MAST4: variants seen among roughly 807,000 people sequenced by gnomAD.
The protein encoded by MAST4 is microtubule associated serine/threonine kinase family member 4, also known as microtubule-associated serine/threonine-protein kinase 4.
A neutral mutation model predicts 162.7 loss-of-function variants in MAST4; 89 were observed. That is an observed-to-expected ratio of 0.55 (90% CI 0.46 to 0.65). MAST4 has a LOEUF of 0.65. Ranked by LOEUF, MAST4 falls within the 30% of genes least tolerant of loss-of-function variation. The pLI, the probability that MAST4 is intolerant of heterozygous loss-of-function variation, is 0.00. For missense variants in MAST4, 3,153 were observed against 3,374.0 expected (o/e 0.93, Z 1.62); for synonymous variants, 1,479 against 1,361.1 (o/e 1.09, Z -1.91).
intron 1 of MAST4, among the ~76,000 whole-genome samples, chr5:66,704,099 A>G (rs1024619763): frequency 2.6e-5 from 4 of 152,122 alleles, no homozygotes; most frequent in Non-Finnish European, 5.9e-5. Flanking sequence ...TGATTAAGAA[A>G]CACACTTCTT....
intron 3 of MAST4, among the ~76,000 whole-genome samples, chr5:66,888,454 T>G (rs1762174842): frequency 6.6e-6 from 1 of 152,212 alleles, no homozygotes; most frequent in African/African-American, 2.4e-5. Flanking sequence ...ACAAGGTGTC[T>G]GTAGTAAATA....
rs201277913 is a variant in MAST4 at position 66,926,670 on chromosome 5, G to GTA, written c.674+26700_674+26701dup. Among the ~76,000 whole-genome samples, 1,125 of 150,774 alleles carry GTA rather than the reference G, an allele frequency of 7.5e-3. 14 individuals are homozygous for GTA. The highest frequency in any genetic ancestry group is 0.017 in the African/African-American group (704 of 41,044). ...TGTATATGTATATATATGTGTGTGT[G>GTA]TATATATATATATTTCCATTATTGT... On this transcript the variant is annotated intron_variant, in intron 4 of 28. Transcript: ENST00000403625.
chr5:66,952,730 A>C (rs969917746), intron 4 of MAST4, among the ~76,000 whole-genome samples: 14 of 152,044 alleles, frequency 9.2e-5, no homozygotes, highest in African/African-American at 3.1e-4. Context: ...CCACCGTCAG[A>C]GACTTTACAA....
chr5:67,111,961 G>T (rs1361639291), intron 11 of MAST4, among the ~76,000 whole-genome samples: 1 of 151,950 alleles, frequency 6.6e-6, no homozygotes, highest in Non-Finnish European at 1.5e-5. Context: ...CAGTACCCAG[G>T]CTTGCTCTGT....
At chr5:66,706,342 T>G (rs16895509) in intron 1 of MAST4, among the ~76,000 whole-genome samples, 20,597 of 152,124 alleles carry the variant, frequency 0.14, 1,920 homozygotes, top group Admixed American at 0.28. Flanking sequence ...CAAAATGAGT[T>G]GGAGGACAGA....
At chr5:66,933,250 A>G (rs541691936) in intron 4 of MAST4, among the ~76,000 whole-genome samples, 1 of 152,276 alleles carries the variant, frequency 6.6e-6, no homozygotes, top group South Asian at 2.1e-4. Flanking sequence ...TCTAGTAAAT[A>G]TTTCAGTGGT....
At chr5:66,665,650 T>C (rs1428465996) in intron 1 of MAST4, among the ~76,000 whole-genome samples, 4 of 152,190 alleles carry the variant, frequency 2.6e-5, no homozygotes, top group Admixed American at 6.5e-5. Flanking sequence ...GTGGTAGTAT[T>C]TGAACTACAG....
chr5:66,617,698 G>A (rs569743146), intron 1 of MAST4, among the ~76,000 whole-genome samples: 71 of 152,158 alleles, frequency 4.7e-4, no homozygotes, highest in Middle Eastern at 3.4e-3. Context: ...TGTTCTTTCT[G>A]TTCCTCTTGT....
chr5:66,916,883 TTTTCA>T lies in MAST4; in HGVS notation c.674+16902_674+16906del, dbSNP rs1321134638. 8 of 663,294 alleles carry T rather than the reference TTTTCA, an allele frequency of 1.2e-5. No homozygotes were observed. In the African/African-American group the frequency reaches 1.4e-4, roughly 12 times the overall value. 41.1% of individuals were successfully genotyped at this position (663,294 alleles called of 1,614,324 possible). On this transcript the variant is annotated intron_variant, in intron 4 of 28. Coordinates refer to ENST00000403625, the MANE Select transcript of MAST4 (RefSeq NM_001164664.2). ...TTCCTATTAACTGACATTCTTGTTG[TTTTCA>T]GTACTCCCTTTCTCCCCTCCCCACA...
chr5:67,019,177 G>A (rs1033417022), intron 4 of MAST4, among the ~76,000 whole-genome samples: 6 of 152,184 alleles, frequency 3.9e-5, no homozygotes, highest in Non-Finnish European at 8.8e-5. Flanking sequence ...AGACTGGGGC[G>A]GGTTGATGGT....
intron 3 of MAST4, among the ~76,000 whole-genome samples, chr5:66,817,007 C>T (rs1465039100): frequency 6.6e-6 from 1 of 152,148 alleles, no homozygotes; most frequent in Non-Finnish European, 1.5e-5. Context: ...TACCCTCTAC[C>T]CACCCTTCTG....
At chr5:66,884,652 C>G (rs1444442587) in intron 3 of MAST4, among the ~76,000 whole-genome samples, 2 of 152,182 alleles carry the variant, frequency 1.3e-5, no homozygotes, top group African/African-American at 4.8e-5. Context: ...GTATCCTGGT[C>G]TCAGCTGCCT....
At chr5:67,016,903 T>A (rs1031960887) in intron 4 of MAST4, among the ~76,000 whole-genome samples, 3 of 152,240 alleles carry the variant, frequency 2.0e-5, no homozygotes, top group African/African-American at 7.2e-5. Flanking sequence ...ACAAAAATTC[T>A]TTCTGATTAT....
chr5:66,865,009 G>T (rs1016871361), intron 3 of MAST4, among the ~76,000 whole-genome samples: 1 of 152,136 alleles, frequency 6.6e-6, no homozygotes, highest in African/African-American at 2.4e-5. Flanking sequence ...AGTGCTAGTT[G>T]TTTGGCCCAT....
intron 3 of MAST4, among the ~76,000 whole-genome samples, chr5:66,890,173 A>G (rs938888260): frequency 1.3e-5 from 2 of 152,234 alleles, no homozygotes; most frequent in East Asian, 1.9e-4. Context: ...ACAAAGTACA[A>G]TATGACTGTG....
intron 1 of MAST4, among the ~76,000 whole-genome samples, chr5:66,679,922 T>G (rs903737143): frequency 1.3e-5 from 2 of 152,200 alleles, no homozygotes; most frequent in Non-Finnish European, 2.9e-5. Context: ...TACACTTTTT[T>G]CTTTATGTTA....
intron 3 of MAST4, among the ~76,000 whole-genome samples, chr5:66,886,060 G>A (rs946430134): frequency 6.6e-5 from 10 of 152,116 alleles, no homozygotes; most frequent in African/African-American, 9.7e-5. Flanking sequence ...ACCCAAGGCC[G>A]TATGGAAAGT....
chr5:66,963,028 C>G (rs1230237697), intron 4 of MAST4, among the ~76,000 whole-genome samples: 2 of 142,324 alleles, frequency 1.4e-5, no homozygotes, highest in Non-Finnish European at 3.1e-5. Flanking sequence ...TGAGAATTGG[C>G]TGGAATAATC....
At chr5:66,892,380 A>G (rs925073993) in intron 3 of MAST4, among the ~76,000 whole-genome samples, 2 of 152,278 alleles carry the variant, frequency 1.3e-5, no homozygotes, top group South Asian at 4.2e-4. Flanking sequence ...TGTATTTTAC[A>G]GTGAGTAAAG....
Sources: allele counts gnomAD v4.1 joint callset (sites outside exome capture counted in the v4.1 genomes callset), GRCh38; gene constraint gnomAD v4.1.1; transcripts MANE v1.5; gene names NCBI Gene and HGNC (gene_info 2026-07-23, HGNC 2026-07-21).